The following ZNF337 variants were observed in gnomAD, a reference collection of about 807,000 sequenced individuals.
ZNF337 encodes zinc finger protein 337.
In ZNF337, 8 loss-of-function variants were observed where a neutral mutation model predicts 12.1. The ratio of observed to expected loss-of-function variants is 0.66; its 90% CI spans 0.39 to 1.19. The LOEUF is 1.19. ZNF337 is among the 50% of genes most tolerant of loss of function. ZNF337 has a pLI of 0.01. For missense variants in ZNF337, 882 were observed against 896.6 expected (o/e 0.98, Z 0.21); for synonymous variants, 336 against 320.0 (o/e 1.05, Z -0.53).
Position 25,673,826 on chromosome 20 carries a change from T to TAATC in ZNF337, c.*1202_*1205dup, listed in dbSNP as rs1218203257. The TAATC allele has an allele frequency of 2.0e-5, 3 of 152,180 alleles. No homozygotes were observed. Among genetic ancestry groups the TAATC allele is most frequent in the Non-Finnish European group, 4.4e-5 (3 of 68,024 alleles). 9.4% of individuals were successfully genotyped at this position (152,180 alleles called of 1,614,324 possible). On this transcript the variant is annotated 3_prime_UTR_variant, in exon 5 of 5. Transcript: ENST00000252979. ...TGCAGGTGGTAATGCAGATCGGCGA[T>TAATC]AATCAGTCTACTCTGCTCTTTGTAG... is the stretch of plus-strand genomic sequence containing the variant.
Position 25,675,026 on chromosome 20 carries a change from A to ATAAC in ZNF337, c.*2_*5dup. The ATAAC allele has an allele frequency of 6.2e-7, 1 of 1,601,758 alleles. No individual in the cohort carries two copies. Among genetic ancestry groups the ATAAC allele is most frequent in the Non-Finnish European group, 8.5e-7 (1 of 1,173,744 alleles). The stretch of plus-strand genomic sequence containing the variant: ...TGTGTCCTCTGATGGATGGTGAGAT[A>ATAAC]TAACTTCAAGATGAAGCCTCACCCA... On this transcript the variant is annotated 3_prime_UTR_variant, in exon 5 of 5. Coordinates refer to ENST00000252979, the MANE Select transcript of ZNF337 (RefSeq NM_015655.4).
chr20:25,685,120 TA>T (rs553976436), intron 4 of ZNF337, among the ~76,000 whole-genome samples: 258 of 137,232 alleles, frequency 1.9e-3, no homozygotes, highest in Admixed American at 1.6e-3. Context: ...GAACTTAAAT[TA>T]AAAAAAAAAA....
chr20:25,685,695 C>G (rs2065824202), intron 3 of ZNF337, 33 bp from the exon 4 acceptor site: 6 of 1,595,174 alleles, frequency 3.8e-6, no homozygotes, highest in Non-Finnish European at 5.2e-6. Context: ...TGAGGTGACT[C>G]CTGGTTGTAG....
rs754500698 is a variant in ZNF337 at position 25,676,382 on chromosome 20, G to A, written c.906C>T (p.Asn302=). ...AGTGCTTGTTGTATGAGGACTTATCGTTAAACCTTCGCCCACACTCCTGGC... is the reference window on the plus strand; with the variant it reads ...AGTGCTTGTTGTATGAGGACTTATCATTAAACCTTCGCCCACACTCCTGGC... ...YECQECGRRF[N]DKSSYNKHLK... The change falls in exon 5 of 5, where the codon AAC becomes AAT. Residue 302 remains asparagine, a synonymous_variant. Coordinates refer to ENST00000252979, the MANE Select transcript of ZNF337 (RefSeq NM_015655.4). 1.2e-6 allele frequency: 2 copies of A among 1,613,314 alleles called. No homozygotes were observed. The highest frequency in any genetic ancestry group is 1.7e-5 in the Admixed American group (1 of 59,964).
intron 4 of ZNF337, among the ~76,000 whole-genome samples, chr20:25,683,012 A>T (rs1001538219): frequency 2.6e-5 from 4 of 152,156 alleles, no homozygotes; most frequent in Non-Finnish European, 5.9e-5. Flanking sequence ...ATAGAAACAG[A>T]TGACCCCTGA....
intron 1 of ZNF337, among the ~76,000 whole-genome samples, chr20:25,694,799 G>A (rs764691523): frequency 2.0e-5 from 3 of 152,156 alleles, no homozygotes; most frequent in African/African-American, 7.2e-5. Flanking sequence ...GATGCTGAAG[G>A]AAATTATTTT....
intron 4 of ZNF337, among the ~76,000 whole-genome samples, chr20:25,680,226 G>A (rs1215251056): frequency 3.3e-5 from 5 of 152,026 alleles, no homozygotes; most frequent in African/African-American, 1.2e-4. Flanking sequence ...ACAGTAGCGT[G>A]ACTATAGTTT....
Position 25,676,856 on chromosome 20 carries a change from C to T in ZNF337, c.432G>A (p.Arg144=), listed in dbSNP as rs757745392. 22 of 1,614,194 alleles carry T rather than the reference C, an allele frequency of 1.4e-5. No homozygotes were observed. In the South Asian group the frequency reaches 2.3e-4, roughly 17 times the overall value. Residue 144 remains arginine (R), a synonymous_variant, in exon 5 of 5, where the codon AGG becomes AGA. Transcript: ENST00000252979. ...SPPLRHAVSS[R]RRNSVVEIES... ...CTATTTCCACTACACTGTTCCTCCT[C>T]CTTGAGCTTACTGCATGTCTTAGGG...
In ZNF337 at chr20:25,688,208, T is replaced by C. The variant is rs534993834; in HGVS notation, c.-49-1742A>G. On this transcript the variant is annotated intron_variant, in intron 1 of 4. Coordinates refer to ENST00000252979, the MANE Select transcript of ZNF337 (RefSeq NM_015655.4). The stretch of plus-strand genomic sequence containing the variant: ...AGTTTAAATATGTTGTTTTTGATGG[T>C]AGTATAAATATGTATTTCATTTTTT... Among the ~76,000 whole-genome samples, 119 of 152,326 alleles carry C rather than the reference T, an allele frequency of 7.8e-4. 1 individual carries two copies. The highest frequency in any genetic ancestry group is 2.7e-3 in the African/African-American group (114 of 41,574).
chr20:25,686,515 C>T, intron 1 of ZNF337, 49 bp from the exon 2 acceptor site: 1 of 1,391,972 alleles, frequency 7.2e-7, no homozygotes, highest in Non-Finnish European at 1.0e-6. Flanking sequence ...CTGCCCTCCC[C>T]ATGTGTGACA....
intron 1 of ZNF337, among the ~76,000 whole-genome samples, chr20:25,690,469 C>T (rs2065874819): frequency 6.6e-6 from 1 of 152,180 alleles, no homozygotes; most frequent in South Asian, 2.1e-4. Flanking sequence ...TCTCAGTTTC[C>T]ACTTCCTTCC....
At chr20:25,691,044 TC>T (rs1317459867) in intron 1 of ZNF337, among the ~76,000 whole-genome samples, 2 of 152,110 alleles carry the variant, frequency 1.3e-5, no homozygotes, top group African/African-American at 4.8e-5. Flanking sequence ...TTTTAGACTG[TC>T]TAAAATATTC....
chr20:25,696,711 C>T (rs1018849269), intron 1 of ZNF337, 48 bp downstream of exon 1: 5 of 982,742 alleles, frequency 5.1e-6, no homozygotes, highest in Non-Finnish European at 4.8e-6. Flanking sequence ...CTTCTTCCTG[C>T]GCCGGAAGGG....
Position 25,676,552 on chromosome 20 carries a change from T to G in ZNF337, c.736A>C (p.Ser246Arg), listed in dbSNP as rs769336408. 6.2e-7 allele frequency: 1 copy of G among 1,614,186 alleles called. No individual in the cohort carries two copies. The highest frequency in any genetic ancestry group is 1.1e-5 in the South Asian group (1 of 91,086). Reference sequence around the variant, plus strand: ...TGTCTGAGGAGGTTGGCCTTGAGGCTGAAGCCTCGCCCACACACACTGCAC... The same window carrying G: ...TGTCTGAGGAGGTTGGCCTTGAGGCGGAAGCCTCGCCCACACACACTGCAC... ...YVCSVCGRGF[S>R]LKANLLRHQR... Residue 246 changes from serine (S) to arginine (R), a missense_variant, in exon 5 of 5, where the codon AGC becomes CGC. Ser to Arg is a moderately radical substitution (Grantham distance 110). Coordinates refer to ENST00000252979, the MANE Select transcript of ZNF337 (RefSeq NM_015655.4).
Position 25,679,176 on chromosome 20 carries a change from T to C in ZNF337, c.251-2139A>G, listed in dbSNP as rs941939298. 5.3e-5 allele frequency among the ~76,000 whole-genome samples: 8 copies of C among 152,212 alleles called. No homozygotes were observed. In the East Asian group the frequency reaches 1.2e-3, roughly 22 times the overall value. On this transcript the variant is annotated intron_variant, in intron 4 of 4. Transcript: ENST00000252979. The stretch of plus-strand genomic sequence containing the variant: ...TATACAAAAATAAACTCAAAATAGA[T>C]TAAAGACTTAAACATGAGTTCCACA...
At chr20:25,682,787 A>G (rs1473139055) in intron 4 of ZNF337, among the ~76,000 whole-genome samples, 6 of 152,014 alleles carry the variant, frequency 3.9e-5, no homozygotes, top group Non-Finnish European at 1.5e-5. Context: ...AGGAGCCAAG[A>G]TCGCGCCATT....
At chr20:25,682,716 T>C (rs2065781580) in intron 4 of ZNF337, among the ~76,000 whole-genome samples, 1 of 151,888 alleles carries the variant, frequency 6.6e-6, no homozygotes, top group Non-Finnish European at 1.5e-5. Context: ...GGACATGTAG[T>C]CCCAGCTACT....
At chr20:25,695,460 A>C (rs969598479) in intron 1 of ZNF337, among the ~76,000 whole-genome samples, 3 of 152,228 alleles carry the variant, frequency 2.0e-5, no homozygotes, top group Non-Finnish European at 4.4e-5. Context: ...ACTGTCCACT[A>C]AAGAATCCCT....
In ZNF337 at chr20:25,675,092, T is replaced by G. The variant is rs995335342; in HGVS notation, c.2196A>C (p.Leu732Phe). ...AACGCTTCTCACGTAAGTGTCTCTT[T>G]AAGTGCTTACTGTAGTATGACTTAT... ...FSNKSYYSKH[L>F]KRHLREKRFC... is the part of the protein sequence containing the mutation. The change falls in exon 5 of 5, where the codon TTA (leucine) becomes TTC (phenylalanine). Residue 732 changes from leucine (L) to phenylalanine (F), a missense_variant. Physicochemically the swap from Leu to Phe is conservative, Grantham distance 22 (BLOSUM62 0). Coordinates refer to ENST00000252979, the MANE Select transcript of ZNF337 (RefSeq NM_015655.4). 4 of 1,613,964 alleles carry G rather than the reference T, an allele frequency of 2.5e-6. No homozygotes were observed. The East Asian group carries it at 8.9e-5, about 36-fold the overall frequency.
Sources: allele counts gnomAD v4.1 joint callset (sites outside exome capture counted in the v4.1 genomes callset), GRCh38; gene constraint gnomAD v4.1.1; transcripts MANE v1.5; gene names NCBI Gene and HGNC (gene_info 2026-07-23, HGNC 2026-07-21).